Variants in OTUD7A observed in about 807,000 individuals in gnomAD.
OTUD7A encodes the protein OTU domain-containing protein 7A.
In OTUD7A, 12 loss-of-function variants were observed where a neutral mutation model predicts 65.7. The ratio of observed to expected loss-of-function variants is 0.18; its 90% CI spans 0.12 to 0.30. The LOEUF is 0.30. Ranked by LOEUF, OTUD7A falls within the 10% of genes least tolerant of loss-of-function variation. The pLI is 1.00. For synonymous variants in OTUD7A, 641 were observed against 586.3 expected (o/e 1.09, Z -1.35); for missense variants, 1,148 against 1,304.8 (o/e 0.88, Z 1.85).
At chr15:31,772,015 G>T (rs2140914420) in intron 1 of OTUD7A, among the ~76,000 whole-genome samples, 1 of 152,196 alleles carries the variant, frequency 6.6e-6, no homozygotes, top group South Asian at 2.1e-4. Context: ...CACTTTGGGA[G>T]GCCGAGGCGG....
intron 3 of OTUD7A, among the ~76,000 whole-genome samples, chr15:31,635,965 A>C (rs1469096279): frequency 2.0e-5 from 3 of 152,254 alleles, no homozygotes; most frequent in Non-Finnish European, 2.9e-5. Flanking sequence ...TAAAGAGGAA[A>C]ATGATACACC....
chr15:31,564,640 AAAAGTAGAATGTGTAAC>A, intron 4 of OTUD7A, among the ~76,000 whole-genome samples: 1 of 152,162 alleles, frequency 6.6e-6, no homozygotes. Flanking sequence ...CAATGTGAGT[AAAAGTAGAATGTGTAAC>A]TTGCAAACCA....
At chr15:31,730,037 G>A (rs1893998834) in intron 1 of OTUD7A, among the ~76,000 whole-genome samples, 1 of 152,130 alleles carries the variant, frequency 6.6e-6, no homozygotes, top group Non-Finnish European at 1.5e-5. Flanking sequence ...AGGAGGTGAG[G>A]CCTTTGGCAG....
rs535613423 is a variant in OTUD7A at position 31,812,387 on chromosome 15, T to C, written c.-100+58120A>G. Among the ~76,000 whole-genome samples the C allele has an allele frequency of 8.5e-5, 13 of 152,292 alleles. No homozygotes were observed. The South Asian group carries it at 1.2e-3, about 15-fold the overall frequency. On this transcript the variant is annotated intron_variant, in intron 1 of 12. Coordinates refer to ENST00000307050, the MANE Select transcript of OTUD7A (RefSeq NM_001382637.1). ...ATTAGCCACCCTGAGGTAATTTGAA[T>C]GTGAAAAGGACAGAATTTAAATTAC...
rs1187313496 is a variant in OTUD7A at position 31,478,659 on chromosome 15, T to A, written c.*4635A>T. 2 of 152,166 alleles carry A rather than the reference T, an allele frequency of 1.3e-5. No homozygotes were observed. The highest frequency in any genetic ancestry group is 2.9e-5 in the Non-Finnish European group (2 of 68,048). The allele number at this position is 152,166 out of a possible 1,614,324, so 9.4% of individuals were successfully genotyped here. Reference sequence around the variant, plus strand: ...GTTCCCAAGGGGTCCCTGCAGGGCATCTCCCTCGCTCTTTTCTGCTGGGGG... The same window carrying A: ...GTTCCCAAGGGGTCCCTGCAGGGCAACTCCCTCGCTCTTTTCTGCTGGGGG... On this transcript the variant is annotated 3_prime_UTR_variant, in exon 13 of 13. Coordinates refer to ENST00000307050, the MANE Select transcript of OTUD7A (RefSeq NM_001382637.1).
intron 1 of OTUD7A, among the ~76,000 whole-genome samples, chr15:31,749,163 C>A (rs1046351426): frequency 2.4e-4 from 37 of 151,924 alleles, no homozygotes; most frequent in Non-Finnish European, 4.6e-4. Context: ...GAAAGGATAG[C>A]ATTAGGAGAT....
chr15:31,734,373 T>C (rs1358983422), intron 1 of OTUD7A, among the ~76,000 whole-genome samples: 1 of 152,156 alleles, frequency 6.6e-6, no homozygotes, highest in Non-Finnish European at 1.5e-5. Flanking sequence ...TAAACTACCA[T>C]TGAGATTCTT....
intron 1 of OTUD7A, among the ~76,000 whole-genome samples, chr15:31,765,233 CA>C (rs908523694): frequency 6.6e-5 from 10 of 151,902 alleles, no homozygotes; most frequent in Middle Eastern, 3.4e-3. Flanking sequence ...AAAACACATA[CA>C]TATATATATA....
intron 1 of OTUD7A, among the ~76,000 whole-genome samples, chr15:31,673,139 C>T (rs1892521693): frequency 6.6e-6 from 1 of 152,222 alleles, no homozygotes; most frequent in Non-Finnish European, 1.5e-5. Flanking sequence ...ATAAATCCAT[C>T]TTAAAGCTGA....
intron 1 of OTUD7A, among the ~76,000 whole-genome samples, chr15:31,704,648 T>A (rs1365211308): frequency 4.0e-5 from 6 of 151,766 alleles, no homozygotes; most frequent in African/African-American, 1.4e-4. Context: ...ACGGTGAAAA[T>A]TCAGACATAT....
At chr15:31,798,329 T>G (rs2140945544) in intron 1 of OTUD7A, among the ~76,000 whole-genome samples, 1 of 152,312 alleles carries the variant, frequency 6.6e-6, no homozygotes, top group Middle Eastern at 3.4e-3. Context: ...AGCTGCCTGC[T>G]GTCCTGCATA....
chr15:31,595,785 C>T (rs1278796871), intron 3 of OTUD7A, among the ~76,000 whole-genome samples: 1 of 152,202 alleles, frequency 6.6e-6, no homozygotes, highest in African/African-American at 2.4e-5. Context: ...TCAGGTGTGC[C>T]AGGACCCTGT....
chr15:31,629,323 A>C (rs978374104), intron 3 of OTUD7A, among the ~76,000 whole-genome samples: 1 of 152,186 alleles, frequency 6.6e-6, no homozygotes, highest in African/African-American at 2.4e-5. Flanking sequence ...ATTTTGTCAA[A>C]GGCCTTTTCT....
intron 3 of OTUD7A, among the ~76,000 whole-genome samples, chr15:31,649,053 G>A (rs529871673): frequency 6.6e-6 from 1 of 152,264 alleles, no homozygotes; most frequent in African/African-American, 2.4e-5. Context: ...GAGCCACCAC[G>A]CCCAGCCTCT....
intron 1 of OTUD7A, among the ~76,000 whole-genome samples, chr15:31,796,194 AT>A (rs1895952970): frequency 6.2e-5 from 1 of 16,178 alleles, no homozygotes; most frequent in Non-Finnish European, 4.6e-4. Flanking sequence ...TGCATTATCT[AT>A]CTATCTATCT....
At chr15:31,613,488 G>A (rs1178012948) in intron 3 of OTUD7A, among the ~76,000 whole-genome samples, 1 of 151,976 alleles carries the variant, frequency 6.6e-6, no homozygotes, top group East Asian at 1.9e-4. Flanking sequence ...GTGGGCTAAG[G>A]ACATGAACAG....
chr15:31,525,816 G>T (rs568953653), intron 8 of OTUD7A, among the ~76,000 whole-genome samples: 1 of 152,372 alleles, frequency 6.6e-6, no homozygotes, highest in East Asian at 1.9e-4. Flanking sequence ...GCACAGATGT[G>T]AAGTCTTTTT....
At chr15:31,575,470 G>A (rs554958438) in intron 3 of OTUD7A, among the ~76,000 whole-genome samples, 2 of 152,292 alleles carry the variant, frequency 1.3e-5, no homozygotes, top group African/African-American at 2.4e-5. Context: ...CAATTACCTA[G>A]AGCGTACCAT....
intron 5 of OTUD7A, among the ~76,000 whole-genome samples, chr15:31,551,934 G>C (rs1447463305): frequency 6.6e-6 from 1 of 152,170 alleles, no homozygotes; most frequent in African/African-American, 2.4e-5. Context: ...GATATAGTTT[G>C]AGATGTTTGT....
Sources: gnomAD v4.1 joint callset for allele counts (sites outside exome capture counted in the v4.1 genomes callset) on GRCh38, gnomAD v4.1.1 for gene constraint, MANE v1.5 for transcripts, NCBI Gene and HGNC (gene_info 2026-07-23, HGNC 2026-07-21) for gene names.